The following KLHL24 variants were observed in gnomAD, a reference collection of about 807,000 sequenced individuals.
The protein encoded by KLHL24 is kelch like family member 24.
A neutral mutation model predicts 53.4 loss-of-function variants in KLHL24; 29 were observed. The ratio of observed to expected loss-of-function variants is 0.54; its 90% CI spans 0.40 to 0.74. KLHL24 has a LOEUF of 0.74. Among genes scored for constraint, KLHL24 ranks in the 30% least tolerant of loss-of-function variants. The probability of loss-of-function intolerance (pLI) is 0.00; values close to 1 mark genes in which losing one functional copy is unlikely to be tolerated. For synonymous variants in KLHL24, 222 were observed against 253.7 expected, an observed-to-expected ratio of 0.88 and a Z score of 1.19; for missense variants, 504 against 744.0, an observed-to-expected ratio of 0.68 and a Z score of 3.75.
In KLHL24 at chr3:183,650,200, T is replaced by C; in HGVS notation, c.-61-96T>C. On this transcript the variant is annotated intron_variant, in intron 2 of 7. Transcript: ENST00000242810. The surrounding 1 kb of genome is among the most constrained non-coding windows in gnomAD (Gnocchi z 4.5). ...TGTGTACCCTATATGAAATATATTATGTGATTTTGTTGTAGTGTTTATATT... is the reference window on the plus strand; with the variant it reads ...TGTGTACCCTATATGAAATATATTACGTGATTTTGTTGTAGTGTTTATATT... 1 of 605,928 alleles carries C rather than the reference T, an allele frequency of 1.7e-6. No homozygotes were observed. Among genetic ancestry groups the C allele is most frequent in the Non-Finnish European group, 2.9e-6 (1 of 348,144 alleles). 37.5% of individuals were successfully genotyped at this position (605,928 alleles called of 1,614,324 possible). A position where few individuals can be genotyped will look rare whatever the true frequency, so the allele number is the denominator to read the frequency against.
intron 3 of KLHL24, among the ~76,000 whole-genome samples, chr3:183,654,968 T>C (rs1382193165): frequency 6.6e-6 from 1 of 152,240 alleles, no homozygotes; most frequent in Non-Finnish European, 1.5e-5. Flanking sequence ...TATCTGGGTA[T>C]CCCACCATTA....
intron 1 of KLHL24, among the ~76,000 whole-genome samples, chr3:183,639,359 G>A (rs755256810): frequency 5.9e-5 from 9 of 152,070 alleles, no homozygotes; most frequent in Non-Finnish European, 1.3e-4. Context: ...GGCCGGGCGC[G>A]GTGGCTCACG....
At chr3:183,662,026 TA>T (rs1289090698) in intron 3 of KLHL24, among the ~76,000 whole-genome samples, 3 of 152,204 alleles carry the variant, frequency 2.0e-5, no homozygotes, top group African/African-American at 4.8e-5. Context: ...GTGCTCTCTT[TA>T]TTTTTAATAC....
In KLHL24 at chr3:183,684,451, A is replaced by G. The variant is rs1311936376; in HGVS notation, c.*5165A>G. The G allele has an allele frequency of 6.6e-6, 1 of 152,634 alleles. No homozygotes were observed. The highest frequency in any genetic ancestry group is 2.4e-5 in the African/African-American group (1 of 41,468). The allele number at this position is 152,634 out of a possible 1,614,324, so 9.5% of individuals were successfully genotyped here. A position where few individuals can be genotyped will look rare whatever the true frequency, so the allele number is the denominator to read the frequency against. On this transcript the variant is annotated 3_prime_UTR_variant, in exon 8 of 8. Coordinates refer to ENST00000242810, the MANE Select transcript of KLHL24 (RefSeq NM_017644.3). ...CATAGTTTAATTTTTTAAAAGTTGT[A>G]TCTAATAAAATGTCTTTTAACCATT... is the stretch of plus-strand genomic sequence containing the variant.
chr3:183,639,094 A>C (rs1388279089), intron 1 of KLHL24, among the ~76,000 whole-genome samples: 1 of 151,618 alleles, frequency 6.6e-6, no homozygotes, highest in Non-Finnish European at 1.5e-5. Context: ...CCAGCTACTT[A>C]GGAGGCTGAG....
intron 5 of KLHL24, among the ~76,000 whole-genome samples, chr3:183,665,756 T>A (rs1352970925): frequency 6.6e-5 from 10 of 151,626 alleles, no homozygotes; most frequent in African/African-American, 1.7e-4. Context: ...CTCAAAAAAA[T>A]AAAAATAAAA....
Position 183,650,535 on chromosome 3 carries a change from G to A in KLHL24, c.179G>A (p.Arg60His), listed in dbSNP as rs1261493748. The A allele has an allele frequency of 1.2e-6, 2 of 1,614,034 alleles. No individual in the cohort carries two copies. The highest frequency in any genetic ancestry group is 1.1e-5 in the South Asian group (1 of 91,080). Reference protein sequence around the residue: ...ENILQIFNEFRDSRLFTDVII... With the variant: ...ENILQIFNEFHDSRLFTDVII... The stretch of plus-strand genomic sequence containing the variant: ...ATACTCCAGATATTTAATGAATTTC[G>A]TGATAGCCGCTTATTCACAGATGTT... The change falls in exon 3 of 8, where the codon CGT becomes CAT. Residue 60 changes from arginine (R) to histidine (H), a missense_variant. Transcript: ENST00000242810. The surrounding 1 kb of genome is among the most constrained non-coding windows in gnomAD (Gnocchi z 4.5).
intron 1 of KLHL24, chr3:183,636,692 T>G (rs1414352715): frequency 1.3e-5 from 2 of 152,280 alleles, no homozygotes; most frequent in Non-Finnish European, 2.9e-5. Flanking sequence ...GGCGAGTTTT[T>G]ATTGTCACTA....
chr3:183,653,730 A>G (rs1283914707), intron 3 of KLHL24, among the ~76,000 whole-genome samples: 1 of 152,224 alleles, frequency 6.6e-6, no homozygotes, highest in East Asian at 1.9e-4. Flanking sequence ...GAGACTGATA[A>G]GAACTTGTTT....
intron 5 of KLHL24, among the ~76,000 whole-genome samples, chr3:183,665,279 A>G (rs905024908): frequency 2.6e-5 from 4 of 152,230 alleles, no homozygotes; most frequent in Admixed American, 2.6e-4. Context: ...CTCATGCATC[A>G]CTGAAGTCCA....
intron 2 of KLHL24, among the ~76,000 whole-genome samples, chr3:183,647,988 A>G (rs1717557891): frequency 6.6e-6 from 1 of 152,224 alleles, no homozygotes; most frequent in Non-Finnish European, 1.5e-5. Flanking sequence ...AGCCTGGGCA[A>G]CACAAGGAGA....
In KLHL24 at chr3:183,684,124, CT is replaced by C. The variant is rs888542208; in HGVS notation, c.*4840del. ...CATACTTATGTACAATTTTTTCCCTCTTCAGGCTTTTTCATTTACCTTTTTG... is the reference window on the plus strand; with the variant it reads ...CATACTTATGTACAATTTTTTCCCTCTCAGGCTTTTTCATTTACCTTTTTG... On this transcript the variant is annotated 3_prime_UTR_variant, in exon 8 of 8. Transcript: ENST00000242810. The C allele has an allele frequency of 7.1e-6, 1 of 140,080 alleles. No individual in the cohort carries two copies. Among genetic ancestry groups the C allele is most frequent in the Non-Finnish European group, 1.5e-5 (1 of 66,824 alleles). 8.7% of individuals were successfully genotyped at this position (140,080 alleles called of 1,614,324 possible). A position where few individuals can be genotyped will look rare whatever the true frequency, so the allele number is the denominator to read the frequency against.
chr3:183,637,540 T>C (rs907552653), intron 1 of KLHL24, among the ~76,000 whole-genome samples: 1 of 152,226 alleles, frequency 6.6e-6, no homozygotes, highest in African/African-American at 2.4e-5. Flanking sequence ...TTTTTAGCCA[T>C]AGTGTGTTGA....
At position 183,663,223 on chromosome 3, in the gene KLHL24, A is replaced by G. The variant is rs1356488233; in HGVS notation, c.921-235A>G. ...TTTTACAATTTTCAGGTCAAAACCA[A>G]TAGAAAAAAATAGCAACAGAAATTT... On this transcript the variant is annotated intron_variant, in intron 3 of 7. Coordinates refer to ENST00000242810, the MANE Select transcript of KLHL24 (RefSeq NM_017644.3). The surrounding 1 kb of genome is among the most constrained non-coding windows in gnomAD (Gnocchi z 4.9). Among the ~76,000 whole-genome samples, 2 of 152,298 alleles carry G rather than the reference A, an allele frequency of 1.3e-5. No individual in the cohort carries two copies. Among genetic ancestry groups the G allele is most frequent in the South Asian group, 2.1e-4 (1 of 4,828 alleles).
In KLHL24 at chr3:183,671,520, CTATT is replaced by C. The variant is rs758125860; in HGVS notation, c.1413+302_1413+305del. Among the ~76,000 whole-genome samples the C allele has an allele frequency of 7.2e-5, 11 of 152,284 alleles. No individual in the cohort carries two copies. The East Asian group carries it at 9.6e-4, about 13-fold the overall frequency. ...TGCTGTCATCTACAAAATCTAAAAA[CTATT>C]TATACAAAACACAGTTGAGAAGTGA... On this transcript the variant is annotated intron_variant, in intron 6 of 7. Coordinates refer to ENST00000242810, the MANE Select transcript of KLHL24 (RefSeq NM_017644.3).
At position 183,664,982 on chromosome 3, in the gene KLHL24, A is replaced by G. The variant is rs140523161; in HGVS notation, c.1167A>G (p.Arg389=). 36 of 1,612,980 alleles carry G rather than the reference A, an allele frequency of 2.2e-5. No homozygotes were observed. The highest frequency in any genetic ancestry group is 1.6e-4 in the Middle Eastern group (1 of 6,082). ...IYNSQLNIWI[R]VASLNKGRWR... The stretch of plus-strand genomic sequence containing the variant: ...ACTCACAGTTAAATATTTGGATCAG[A>G]GTTGCCTCTCTCAATAAAGGCAGAT... The change falls in exon 5 of 8, where the codon AGA becomes AGG. Residue 389 remains arginine, a synonymous_variant. Transcript: ENST00000242810.
At chr3:183,661,804 T>C (rs1400476935) in intron 3 of KLHL24, among the ~76,000 whole-genome samples, 1 of 152,228 alleles carries the variant, frequency 6.6e-6, no homozygotes, top group African/African-American at 2.4e-5. Context: ...AATCCTATGA[T>C]ATATAATCAT....
At position 183,655,935 on chromosome 3, in the gene KLHL24, AATT is replaced by A. The variant is rs560694049; in HGVS notation, c.920+4667_920+4669del. On this transcript the variant is annotated intron_variant, in intron 3 of 7. Transcript: ENST00000242810. Reference sequence around the variant, plus strand: ...ACAGAGAGAGACTCCTTTAAAAAAAAATTATTATTAATTAAAATTTTAAAAATT... The same window carrying A: ...ACAGAGAGAGACTCCTTTAAAAAAAAATTATTAATTAAAATTTTAAAAATT... Among the ~76,000 whole-genome samples, 6 of 152,088 alleles carry A rather than the reference AATT, an allele frequency of 3.9e-5. No homozygotes were observed. The South Asian group carries it at 1.2e-3, about 32-fold the overall frequency.
At chr3:183,648,940 T>C (rs564282035) in intron 2 of KLHL24, among the ~76,000 whole-genome samples, 23 of 152,084 alleles carry the variant, frequency 1.5e-4, no homozygotes, top group African/African-American at 5.3e-4. Flanking sequence ...GAGGTGGAGA[T>C]TGCAGTGAGT....
Sources: gnomAD v4.1 joint callset for allele counts (sites outside exome capture counted in the v4.1 genomes callset) on GRCh38, gnomAD v4.1.1 for gene constraint, Gnocchi (gnomAD v3.1) non-coding constraint, MANE v1.5 for transcripts, NCBI Gene and HGNC (gene_info 2026-07-23, HGNC 2026-07-21) for gene names.